ITGA9: variants seen among roughly 807,000 people sequenced by gnomAD.
ITGA9 encodes the protein integrin alpha-9.
A neutral mutation model predicts 127.8 loss-of-function variants in ITGA9; 56 were observed. That is an observed-to-expected ratio of 0.44 (90% CI 0.35 to 0.55). The LOEUF (loss-of-function observed/expected upper bound fraction) is 0.55, where lower values mean the gene tolerates loss of function less well. Among genes scored for constraint, ITGA9 ranks in the 20% least tolerant of loss-of-function variants. The probability of loss-of-function intolerance (pLI) is 0.00; values close to 1 mark genes in which losing one functional copy is unlikely to be tolerated. For missense variants in ITGA9, 1,196 were observed against 1,347.1 expected, an observed-to-expected ratio of 0.89 and a Z score of 1.76; for synonymous variants, 508 against 514.5, an observed-to-expected ratio of 0.99 and a Z score of 0.17.
intron 1 of ITGA9, among the ~76,000 whole-genome samples, chr3:37,470,704 A>G (rs1267655278): frequency 2.0e-5 from 3 of 151,990 alleles, no homozygotes; most frequent in Non-Finnish European, 4.4e-5. Context: ...GGGATTTGCC[A>G]TGTCACCCAG....
chr3:37,464,731 G>A (rs1479932759), intron 1 of ITGA9, among the ~76,000 whole-genome samples: 1 of 152,238 alleles, frequency 6.6e-6, no homozygotes. Flanking sequence ...CTAGAAAGCA[G>A]TCAGTATCCA....
chr3:37,638,951 G>C (rs1700306667), intron 16 of ITGA9, among the ~76,000 whole-genome samples: 1 of 152,156 alleles, frequency 6.6e-6, no homozygotes, highest in Non-Finnish European at 1.5e-5. Context: ...ACATAGTCCT[G>C]GGAGAAGACG....
chr3:37,702,909 CAGAAACCCAA>C, intron 18 of ITGA9, among the ~76,000 whole-genome samples: 1 of 152,164 alleles, frequency 6.6e-6, no homozygotes, highest in Non-Finnish European at 1.5e-5. Context: ...ACCAGAGACC[CAGAAACCCAA>C]AGGTGGGTCA....
chr3:37,638,447 T>C (rs1559555398), intron 16 of ITGA9, among the ~76,000 whole-genome samples: 1 of 117,268 alleles, frequency 8.5e-6, no homozygotes, highest in Non-Finnish European at 1.7e-5. Flanking sequence ...TTCCTGATTA[T>C]GGGGAAAAAA....
In ITGA9 at chr3:37,799,764, G is replaced by A. The variant is rs1025511679; in HGVS notation, c.2890-4059G>A. Reference sequence around the variant, plus strand: ...AGAGAAGACGAGATGTGAGCCAGGAGGTACCTGGGATGGAAACAAGAGGAT... The same window carrying A: ...AGAGAAGACGAGATGTGAGCCAGGAAGTACCTGGGATGGAAACAAGAGGAT... On this transcript the variant is annotated intron_variant, in intron 26 of 27. Coordinates refer to ENST00000264741, the MANE Select transcript of ITGA9 (RefSeq NM_002207.3). This position sits in a 1 kb window ranked among gnomAD's most constrained non-coding sequence, Gnocchi z 4.0. Among the ~76,000 whole-genome samples, 1 of 152,146 alleles carries A rather than the reference G, an allele frequency of 6.6e-6. No homozygotes were observed. Among genetic ancestry groups the A allele is most frequent in the Non-Finnish European group, 1.5e-5 (1 of 68,032 alleles).
At position 37,481,426 on chromosome 3, in the gene ITGA9, T is replaced by C. The variant is rs577310038; in HGVS notation, c.421-58T>C. On this transcript the variant is annotated intron_variant, in intron 3 of 27. Coordinates refer to ENST00000264741, the MANE Select transcript of ITGA9 (RefSeq NM_002207.3). ...GAAACATCTGGCACTGACAGGAGTCTGCTTTGTGATCTTTTGGGGCCAACT... is the reference window on the plus strand; with the variant it reads ...GAAACATCTGGCACTGACAGGAGTCCGCTTTGTGATCTTTTGGGGCCAACT... 55 of 1,611,102 alleles carry C rather than the reference T, an allele frequency of 3.4e-5. No individual in the cohort carries two copies. In the East Asian group the frequency reaches 1.2e-3, roughly 34 times the overall value.
intron 18 of ITGA9, among the ~76,000 whole-genome samples, chr3:37,693,968 T>A (rs1700858104): frequency 6.6e-6 from 1 of 152,256 alleles, no homozygotes; most frequent in Non-Finnish European, 1.5e-5. Context: ...AGATGATGAA[T>A]GAACTTGCTG....
At chr3:37,774,884 T>C (rs1442245453) in intron 23 of ITGA9, among the ~76,000 whole-genome samples, 1 of 152,222 alleles carries the variant, frequency 6.6e-6, no homozygotes, top group Non-Finnish European at 1.5e-5. Context: ...CAGACATATA[T>C]AGTAAATCCT....
chr3:37,666,833 G>A (rs1700591243), intron 17 of ITGA9, among the ~76,000 whole-genome samples: 1 of 152,218 alleles, frequency 6.6e-6, no homozygotes, highest in Non-Finnish European at 1.5e-5. Flanking sequence ...TCCCACAGTG[G>A]ATGATTGGCA....
intron 23 of ITGA9, among the ~76,000 whole-genome samples, chr3:37,751,639 AG>A (rs1334136158): frequency 2.0e-5 from 3 of 152,126 alleles, no homozygotes; most frequent in African/African-American, 7.2e-5. Context: ...AGCCACTGGA[AG>A]GGACTTGGGC....
chr3:37,678,044 G>C (rs1399356369), intron 17 of ITGA9, among the ~76,000 whole-genome samples: 1 of 152,178 alleles, frequency 6.6e-6, no homozygotes, highest in Non-Finnish European at 1.5e-5. Context: ...GATTGTATGT[G>C]TAGTACATCT....
chr3:37,612,113 A>G (rs1261794784), intron 15 of ITGA9, among the ~76,000 whole-genome samples: 1 of 152,156 alleles, frequency 6.6e-6, no homozygotes, highest in Admixed American at 6.5e-5. Context: ...CTGAAACAAC[A>G]TAATGTTTCT....
chr3:37,735,012 C>T (rs569038312), intron 19 of ITGA9, among the ~76,000 whole-genome samples: 3 of 152,334 alleles, frequency 2.0e-5, no homozygotes, highest in East Asian at 1.9e-4. Context: ...CGCAGCCCAG[C>T]GTGCACTCCC....
At chr3:37,553,670 C>T (rs1699400227) in intron 15 of ITGA9, among the ~76,000 whole-genome samples, 1 of 152,228 alleles carries the variant, frequency 6.6e-6, no homozygotes, top group South Asian at 2.1e-4. Flanking sequence ...TATGAAAGTA[C>T]GATAGCTTGC....
intron 5 of ITGA9, 140 bp from the exon 6 acceptor site, chr3:37,503,038 C>G (rs1443848956): frequency 1.2e-6 from 1 of 836,596 alleles, no homozygotes; most frequent in Non-Finnish European, 2.0e-6. Flanking sequence ...CTGGTGAAAT[C>G]TGTTTTTGTT....
rs567121552 is a variant in ITGA9 at position 37,562,970 on chromosome 3, A to T, written c.1689+20385A>T. Among the ~76,000 whole-genome samples the T allele has an allele frequency of 1.1e-4, 14 of 133,238 alleles. 1 individual carries two copies. The South Asian group carries it at 3.2e-3, about 30-fold the overall frequency. 87.4% of individuals were successfully genotyped at this position (133,238 alleles called of 152,430 possible). A position where few individuals can be genotyped will look rare whatever the true frequency, so the allele number is the denominator to read the frequency against. ...CCATAAAGAACTCAGAAAATATTTT[A>T]AGATGCTTGGCATCAGGAACTATTT... On this transcript the variant is annotated intron_variant, in intron 15 of 27. Coordinates refer to ENST00000264741, the MANE Select transcript of ITGA9 (RefSeq NM_002207.3).
chr3:37,485,466 G>C (rs1400869306), intron 4 of ITGA9, among the ~76,000 whole-genome samples: 5 of 152,034 alleles, frequency 3.3e-5, no homozygotes, highest in Admixed American at 3.3e-4. Context: ...AGTGGGAGTC[G>C]ATGCTGTGAT....
At chr3:37,758,043 G>T (rs1696675054) in intron 23 of ITGA9, among the ~76,000 whole-genome samples, 1 of 151,672 alleles carries the variant, frequency 6.6e-6, no homozygotes. Context: ...CAAATTGAGG[G>T]CCGGGCGCGG....
At chr3:37,532,052 C>T in intron 13 of ITGA9, among the ~76,000 whole-genome samples, 1 of 152,192 alleles carries the variant, frequency 6.6e-6, no homozygotes, top group Non-Finnish European at 1.5e-5. Flanking sequence ...AAGAGATCCA[C>T]TTTCCGATTT....
Sources: gnomAD v4.1 joint callset for allele counts (sites outside exome capture counted in the v4.1 genomes callset) on GRCh38, gnomAD v4.1.1 for gene constraint, Gnocchi (gnomAD v3.1) non-coding constraint, MANE v1.5 for transcripts, NCBI Gene and HGNC (gene_info 2026-07-23, HGNC 2026-07-21) for gene names.